The following SMYD2 variants were observed in gnomAD, a reference collection of about 807,000 sequenced individuals.
SMYD2 encodes the protein N-lysine methyltransferase SMYD2.
A neutral mutation model predicts 59.1 loss-of-function variants in SMYD2; 53 were observed. That is an observed-to-expected ratio of 0.90 (90% CI 0.72 to 1.13). The LOEUF (loss-of-function observed/expected upper bound fraction) is 1.13, where lower values mean the gene tolerates loss of function less well. Ranked by LOEUF, SMYD2 falls within the 50% of genes most tolerant of loss-of-function variation. SMYD2 has a pLI of 0.00. For synonymous variants in SMYD2, 208 were observed against 198.8 expected (o/e 1.05, Z -0.39); for missense variants, 494 against 544.7 (o/e 0.91, Z 0.93).
chr1:214,308,790 C>T (rs961181764), intron 2 of SMYD2, among the ~76,000 whole-genome samples: 3 of 152,098 alleles, frequency 2.0e-5, no homozygotes, highest in Non-Finnish European at 4.4e-5. Context: ...CCAAGATCAC[C>T]CAAGGTCAAA....
At chr1:214,315,052 T>A (rs141192839) in intron 3 of SMYD2, among the ~76,000 whole-genome samples, 180 bp downstream of exon 3, 15 of 152,350 alleles carry the variant, frequency 9.8e-5, no homozygotes, top group African/African-American at 3.6e-4. Context: ...GTTAGTTGTG[T>A]GCCCTGTGCA....
Position 214,293,007 on chromosome 1 carries a change from CTGTTTGTGTGTG to C in SMYD2, c.173+11584_173+11595del, listed in dbSNP as rs1285856278. Reference sequence around the variant, plus strand: ...TCTCTTTCCAAAGCTTTATCTTTTTCTGTTTGTGTGTGTGTGTGTGTGTGTGTGTGTGTGTGT... The same window carrying C: ...TCTCTTTCCAAAGCTTTATCTTTTTCTGTGTGTGTGTGTGTGTGTGTGTGT... On this transcript the variant is annotated intron_variant, in intron 1 of 11. Transcript: ENST00000366957. Among the ~76,000 whole-genome samples, 24 of 137,022 alleles carry C rather than the reference CTGTTTGTGTGTG, an allele frequency of 1.8e-4. 1 individual carries two copies. In the South Asian group the frequency reaches 5.8e-3, roughly 33 times the overall value. 89.9% of individuals were successfully genotyped at this position (137,022 alleles called of 152,430 possible).
At chr1:214,334,904 C>T (rs927848087) in intron 11 of SMYD2, among the ~76,000 whole-genome samples, 1 of 152,224 alleles carries the variant, frequency 6.6e-6, no homozygotes, top group Non-Finnish European at 1.5e-5. Flanking sequence ...AAAGCTTCGG[C>T]TCCTCCCACT....
intron 1 of SMYD2, among the ~76,000 whole-genome samples, chr1:214,301,937 CAT>C (rs1311407527): frequency 8.1e-4 from 124 of 152,270 alleles, no homozygotes; most frequent in Non-Finnish European, 4.0e-4. Flanking sequence ...ATGCCAAAGA[CAT>C]ATATACTTAA....
Position 214,319,635 on chromosome 1 carries a change from C to T in SMYD2, c.534+652C>T, listed in dbSNP as rs572946556. On this transcript the variant is annotated intron_variant, in intron 5 of 11. Coordinates refer to ENST00000366957, the MANE Select transcript of SMYD2 (RefSeq NM_020197.3). ...AGGCAAGCCTTGGGCATTGTTAGGA[C>T]GAGAGAACAAAGGGTGCAGTGGCCA... 3.3e-5 allele frequency among the ~76,000 whole-genome samples: 5 copies of T among 151,958 alleles called. No homozygotes were observed. The South Asian group carries it at 8.3e-4, about 25-fold the overall frequency.
chr1:214,306,394 C>T (rs1307701705), intron 2 of SMYD2, among the ~76,000 whole-genome samples: 1 of 152,164 alleles, frequency 6.6e-6, no homozygotes, highest in Non-Finnish European at 1.5e-5. Context: ...CCAGGGACAG[C>T]GGCCCCTCCC....
intron 6 of SMYD2, 80 bp from the exon 7 acceptor site, chr1:214,327,542 C>T (rs1657282419): frequency 8.7e-7 from 1 of 1,145,388 alleles, no homozygotes; most frequent in Non-Finnish European, 1.3e-6. Flanking sequence ...GTTCCTCTGA[C>T]TTAGCAAGTA....
intron 3 of SMYD2, 39 bp downstream of exon 3, chr1:214,314,911 GTTTTTC>G: frequency 6.6e-7 from 1 of 1,519,082 alleles, no homozygotes; most frequent in Non-Finnish European, 9.1e-7. Context: ...ATTTTATTTT[GTTTTTC>G]TTTTAAAGGT....
At chr1:214,315,115 T>G (rs1326200807) in intron 3 of SMYD2, among the ~76,000 whole-genome samples, 1 of 152,232 alleles carries the variant, frequency 6.6e-6, no homozygotes, top group Non-Finnish European at 1.5e-5. Flanking sequence ...TCTGAAATTC[T>G]GAGCTGTTTT....
chr1:214,326,334 G>C (rs549527612), intron 6 of SMYD2, among the ~76,000 whole-genome samples: 1 of 151,996 alleles, frequency 6.6e-6, no homozygotes, highest in Non-Finnish European at 1.5e-5. Flanking sequence ...AATTGTTTTA[G>C]GGTCTTTGAC....
chr1:214,293,035 G>C (rs1025826958), intron 1 of SMYD2, among the ~76,000 whole-genome samples: 6 of 139,430 alleles, frequency 4.3e-5, no homozygotes, highest in Non-Finnish European at 9.2e-5. Flanking sequence ...GTGTGTGTGT[G>C]TGTGTGTGTG....
intron 2 of SMYD2, among the ~76,000 whole-genome samples, chr1:214,305,748 G>A (rs1656906871): frequency 6.6e-6 from 1 of 152,090 alleles, no homozygotes; most frequent in South Asian, 2.1e-4. Flanking sequence ...ATTGGGGCCA[G>A]TGCCTCAGGA....
intron 1 of SMYD2, among the ~76,000 whole-genome samples, chr1:214,296,542 A>T (rs1656730512): frequency 6.6e-6 from 1 of 151,472 alleles, no homozygotes; most frequent in African/African-American, 2.4e-5. Flanking sequence ...ACATCACTTT[A>T]AAAAAAAAGC....
At chr1:214,281,472 C>T (rs775630731) in intron 1 of SMYD2, 45 bp downstream of exon 1, 41 of 1,315,640 alleles carry the variant, frequency 3.1e-5, no homozygotes, top group South Asian at 3.0e-4. Flanking sequence ...CCGGGGGCGC[C>T]GAGCGGGAGG....
chr1:214,305,048 C>T lies in SMYD2; in HGVS notation c.174-139C>T, dbSNP rs575138814. 4.0e-5 allele frequency: 31 copies of T among 778,688 alleles called. No individual in the cohort carries two copies. In the South Asian group the frequency reaches 4.4e-4, roughly 11 times the overall value. 48.2% of individuals were successfully genotyped at this position (778,688 alleles called of 1,614,324 possible). On this transcript the variant is annotated intron_variant, in intron 1 of 11. Coordinates refer to ENST00000366957, the MANE Select transcript of SMYD2 (RefSeq NM_020197.3). ...TCTGGTCAAACTCTTAAGGAACATG[C>T]ACCTTCTCAGTGGGAGAGTAAGGTA... is the stretch of plus-strand genomic sequence containing the variant.
intron 11 of SMYD2, 44 bp downstream of exon 11, chr1:214,334,352 C>A: frequency 6.5e-7 from 1 of 1,550,002 alleles, no homozygotes; most frequent in Non-Finnish European, 8.9e-7. Context: ...GGCCAGATGG[C>A]CTCCTTAGCG....
rs1039520021 is a variant in SMYD2, at chr1:214,281,550, G to T, written c.173+123G>T. ...CTAGCGCCGGCCCTTGGGGCGGGGT[G>T]GGGGGCGGGGAGGGGAGGAGGCCCC... is the stretch of plus-strand genomic sequence containing the variant. On this transcript the variant is annotated intron_variant, in intron 1 of 11. Coordinates refer to ENST00000366957, the MANE Select transcript of SMYD2 (RefSeq NM_020197.3). 9 of 900,576 alleles carry T rather than the reference G, an allele frequency of 1.0e-5. No individual in the cohort carries two copies. In the African/African-American group the frequency reaches 1.4e-4, roughly 14 times the overall value. 55.8% of individuals were successfully genotyped at this position (900,576 alleles called of 1,614,324 possible).
chr1:214,290,723 C>A (rs902014498), intron 1 of SMYD2, among the ~76,000 whole-genome samples: 3 of 151,958 alleles, frequency 2.0e-5, no homozygotes, highest in Non-Finnish European at 2.9e-5. Flanking sequence ...ATCTGGCTGT[C>A]CAAAAAGATA....
Position 214,281,346 on chromosome 1 carries a change from A to G in SMYD2, c.92A>G (p.Asp31Gly). Residue 31 changes from aspartate (D) to glycine (G), a missense_variant, in exon 1 of 12, where the codon GAC becomes GGC. Asp to Gly is a moderately conservative substitution (Grantham distance 94, BLOSUM62 -1). Coordinates refer to ENST00000366957, the MANE Select transcript of SMYD2 (RefSeq NM_020197.3). ...LRALQPFQVGDLLFSCPAYAY... is the reference protein window; with the variant it reads ...LRALQPFQVGGLLFSCPAYAY... ...GCTCTGCAGCCCTTCCAGGTGGGGG[A>G]CTTGCTGTTCTCCTGCCCGGCCTAT... 1 of 1,448,348 alleles carries G rather than the reference A, an allele frequency of 6.9e-7. No individual in the cohort carries two copies. The highest frequency in any genetic ancestry group is 2.8e-5 in the East Asian group (1 of 36,122). The allele number at this position is 1,448,348 out of a possible 1,614,324, so 89.7% of individuals were successfully genotyped here.
Sources: allele counts gnomAD v4.1 joint callset (sites outside exome capture counted in the v4.1 genomes callset), GRCh38; gene constraint gnomAD v4.1.1; transcripts MANE v1.5; gene names NCBI Gene and HGNC (gene_info 2026-07-23, HGNC 2026-07-21).